ZEB1: variants seen among roughly 807,000 people sequenced by gnomAD.
ZEB1 encodes the protein zinc finger E-box binding homeobox 1.
ZEB1 carries 21 observed loss-of-function variants against 84.9 expected under a neutral mutation model. That is an observed-to-expected ratio of 0.25 (90% CI 0.18 to 0.36). ZEB1 has a LOEUF of 0.36. Among genes scored for constraint, ZEB1 ranks in the 10% least tolerant of loss-of-function variants. ZEB1 has a pLI of 1.00. For missense variants in ZEB1, 1,104 were observed against 1,330.2 expected, an observed-to-expected ratio of 0.83 and a Z score of 2.65; for synonymous variants, 420 against 471.1, an observed-to-expected ratio of 0.89 and a Z score of 1.41.
intron 1 of ZEB1, among the ~76,000 whole-genome samples, chr10:31,356,807 TCTAA>T (rs1317483041): frequency 1.3e-5 from 2 of 152,198 alleles, no homozygotes; most frequent in East Asian, 1.9e-4. Flanking sequence ...TTTGTGCTCA[TCTAA>T]CTGAGTAGAG....
chr10:31,427,097 C>T (rs1270940120), intron 1 of ZEB1, among the ~76,000 whole-genome samples: 5 of 151,566 alleles, frequency 3.3e-5, no homozygotes, highest in Admixed American at 6.6e-5. Context: ...AAAAAAAACC[C>T]GGATGCATAT....
At chr10:31,388,300 A>G (rs148385220) in intron 1 of ZEB1, among the ~76,000 whole-genome samples, 135 of 152,256 alleles carry the variant, frequency 8.9e-4, no homozygotes, top group Admixed American at 1.7e-3. Flanking sequence ...CCTTTCATTT[A>G]TCTTTTCTTA....
At chr10:31,515,594 T>C (rs2070931125) in intron 6 of ZEB1, among the ~76,000 whole-genome samples, 1 of 152,084 alleles carries the variant, frequency 6.6e-6, no homozygotes, top group African/African-American at 2.4e-5. Context: ...TTGGATAGCT[T>C]TGTGAAGCAT....
intron 4 of ZEB1, among the ~76,000 whole-genome samples, chr10:31,503,333 ATATT>A (rs1285790888): frequency 6.6e-6 from 1 of 152,150 alleles, no homozygotes; most frequent in Non-Finnish European, 1.5e-5. Context: ...TTACTTTCAG[ATATT>A]TAATGTAATT....
chr10:31,350,486 C>T (rs759390379), intron 1 of ZEB1, among the ~76,000 whole-genome samples: 1 of 152,164 alleles, frequency 6.6e-6, no homozygotes, highest in Admixed American at 6.5e-5. Context: ...TCTGTCTATA[C>T]TGATCAAGAA....
At chr10:31,355,567 G>C (rs548951108) in intron 1 of ZEB1, among the ~76,000 whole-genome samples, 3 of 152,148 alleles carry the variant, frequency 2.0e-5, no homozygotes, top group Non-Finnish European at 4.4e-5. Context: ...CTGGGATGGT[G>C]GGGGAGTGTT....
chr10:31,496,105 A>G (rs1565116601), intron 3 of ZEB1, among the ~76,000 whole-genome samples: 1 of 152,110 alleles, frequency 6.6e-6, no homozygotes, highest in Non-Finnish European at 1.5e-5. Flanking sequence ...AATCCAAAAA[A>G]TAAGTGTTTG....
At chr10:31,363,413 G>A (rs185808867) in intron 1 of ZEB1, 24 of 1,534,422 alleles carry the variant, frequency 1.6e-5, no homozygotes, top group African/African-American at 6.8e-5. Flanking sequence ...AAGCTCTTGA[G>A]GTGGACATTT....
intron 1 of ZEB1, among the ~76,000 whole-genome samples, chr10:31,331,081 C>CTTTTTTTTTTTTTTTTTTTTT (rs548615284): frequency 1.7e-4 from 13 of 77,872 alleles, no homozygotes; most frequent in East Asian, 3.7e-4. Context: ...TTCTTTCTTT[C>CTTTTTTTTTTTTTTTTTTTTT]TTTTTTTTTT....
At chr10:31,514,730 A>G (rs751710795) in intron 6 of ZEB1, 22 bp downstream of exon 6, 38 of 1,537,244 alleles carry the variant, frequency 2.5e-5, no homozygotes, top group South Asian at 3.4e-5. Context: ...TTTTCTTTCT[A>G]TACCCTGAAT....
chr10:31,499,200 G>A (rs1359228336), intron 3 of ZEB1, among the ~76,000 whole-genome samples: 1 of 152,104 alleles, frequency 6.6e-6, no homozygotes, highest in Admixed American at 6.5e-5. Context: ...ACGTATACCA[G>A]AAAGACTTTA....
intron 1 of ZEB1, among the ~76,000 whole-genome samples, chr10:31,380,519 A>G (rs986687592): frequency 1.3e-5 from 2 of 152,126 alleles, no homozygotes; most frequent in African/African-American, 4.8e-5. Context: ...AGAGTTTTCT[A>G]CCAATCTTTC....
At chr10:31,450,318 G>T (rs1039267469) in intron 1 of ZEB1, among the ~76,000 whole-genome samples, 8 of 151,942 alleles carry the variant, frequency 5.3e-5, no homozygotes, top group African/African-American at 1.9e-4. Flanking sequence ...TTTCATTTGT[G>T]TTGCTAGTAA....
At chr10:31,377,884 T>TGTTG (rs1296240398) in intron 1 of ZEB1, among the ~76,000 whole-genome samples, 1 of 151,754 alleles carries the variant, frequency 6.6e-6, no homozygotes, top group Non-Finnish European at 1.5e-5. Context: ...CAAACTCTGC[T>TGTTG]GTTGGCAACA....
chr10:31,465,523 C>T (rs1336596052), intron 2 of ZEB1, among the ~76,000 whole-genome samples: 1 of 151,746 alleles, frequency 6.6e-6, no homozygotes, highest in South Asian at 2.1e-4. Flanking sequence ...TAAAACTTTT[C>T]AGAAAACAAT....
chr10:31,363,623 G>A lies in ZEB1; in HGVS notation c.58+44331G>A, dbSNP rs554403095. The stretch of plus-strand genomic sequence containing the variant: ...ACCTCCGTCTTCGGGAGCCTGGCTG[G>A]GATCACCTGATCATCTAATGAAGGA... On this transcript the variant is annotated intron_variant, in intron 1 of 8. Transcript: ENST00000424869. The A allele has an allele frequency of 2.3e-5, 34 of 1,505,572 alleles. No homozygotes were observed. The Admixed American group carries it at 4.5e-4, about 20-fold the overall frequency. The allele number at this position is 1,505,572 out of a possible 1,614,324, so 93.3% of individuals were successfully genotyped here.
chr10:31,422,814 C>T (rs543131082), intron 1 of ZEB1, among the ~76,000 whole-genome samples: 2 of 152,130 alleles, frequency 1.3e-5, no homozygotes, highest in East Asian at 3.9e-4. Flanking sequence ...CCAGCCCTTA[C>T]TCCTTTTCTT....
rs139016002 is a variant in ZEB1, at chr10:31,362,622, C to T, written c.58+43330C>T. ...AGACAGGGCGGGGGCCGGGCAGAGG[C>T]GCTCCTCACTGCCCAGATGGTGCGG... On this transcript the variant is annotated intron_variant, in intron 1 of 8. Coordinates refer to ENST00000424869, the MANE Select transcript of ZEB1 (RefSeq NM_001174096.2). Among the ~76,000 whole-genome samples the T allele has an allele frequency of 9.4e-3, 1,423 of 152,072 alleles. 24 individuals are homozygous for T. The highest frequency in any genetic ancestry group is 0.033 in the African/African-American group (1,357 of 41,486).
chr10:31,341,004 G>A (rs1248620637), intron 1 of ZEB1, among the ~76,000 whole-genome samples: 2 of 152,092 alleles, frequency 1.3e-5, no homozygotes, highest in African/African-American at 2.4e-5. Context: ...AGAGTGATTG[G>A]AGTTGAGTCT....
Sources: gnomAD v4.1 joint callset for allele counts (sites outside exome capture counted in the v4.1 genomes callset) on GRCh38, gnomAD v4.1.1 for gene constraint, MANE v1.5 for transcripts, NCBI Gene and HGNC (gene_info 2026-07-23, HGNC 2026-07-21) for gene names.